Variants in OLA1 observed in about 807,000 individuals in gnomAD.
OLA1 encodes the protein obg-like ATPase 1.
A neutral mutation model predicts 48.4 loss-of-function variants in OLA1; 14 were observed. The observed-to-expected ratio is 0.29, with a 90% CI of 0.19 to 0.45. OLA1 has a LOEUF of 0.45. Ranked by LOEUF, OLA1 falls within the 20% of genes least tolerant of loss-of-function variation. The pLI is 1.00. For synonymous variants in OLA1, 127 were observed against 150.4 expected, an observed-to-expected ratio of 0.84 and a Z score of 1.14; for missense variants, 325 against 467.1, an observed-to-expected ratio of 0.70 and a Z score of 2.80.
At chr2:174,100,866 T>C (rs758139625) in intron 7 of OLA1, among the ~76,000 whole-genome samples, 4 of 152,202 alleles carry the variant, frequency 2.6e-5, no homozygotes, top group Non-Finnish European at 4.4e-5. Context: ...CTGTGTATTT[T>C]CTTGGTGAGG....
chr2:174,110,158 C>T (rs1282949413), intron 7 of OLA1, among the ~76,000 whole-genome samples: 2 of 138,024 alleles, frequency 1.4e-5, no homozygotes, highest in South Asian at 2.4e-4. Flanking sequence ...TGCAGTGGTG[C>T]GGCATGATCT....
At chr2:174,198,351 G>A (rs545693709) in intron 4 of OLA1, among the ~76,000 whole-genome samples, 2 of 152,212 alleles carry the variant, frequency 1.3e-5, no homozygotes, top group Non-Finnish European at 2.9e-5. Context: ...TGTAGGAACT[G>A]AAGAAATCCA....
intron 4 of OLA1, among the ~76,000 whole-genome samples, chr2:174,144,948 AAAAATATATATATATATAT>A (rs1371803879): frequency 5.3e-5 from 4 of 75,438 alleles, no homozygotes; most frequent in East Asian, 1.2e-3. Flanking sequence ...AAAAAAAAAA[AAAAATATATATATATATAT>A]ATATATATAT....
chr2:174,080,815 C>A, intron 9 of OLA1: 1 of 191,008 alleles, frequency 5.2e-6, no homozygotes, highest in Non-Finnish European at 1.1e-5. Context: ...AAATGAAAAG[C>A]AACATCAATT....
At chr2:174,092,540 T>TA (rs1449370749) in intron 7 of OLA1, among the ~76,000 whole-genome samples, 2 of 152,076 alleles carry the variant, frequency 1.3e-5, no homozygotes, top group African/African-American at 4.8e-5. Context: ...CATGTGCCTG[T>TA]AGTCCCAGCT....
intron 7 of OLA1, among the ~76,000 whole-genome samples, chr2:174,113,789 CTG>C (rs1432115527): frequency 6.6e-6 from 1 of 152,180 alleles, no homozygotes; most frequent in Non-Finnish European, 1.5e-5. Context: ...GTCAGTCATC[CTG>C]TGTGGAACAG....
At position 174,211,773 on chromosome 2, in the gene OLA1, G is replaced by C. The variant is rs185014921; in HGVS notation, c.373+11260C>G. Among the ~76,000 whole-genome samples the C allele has an allele frequency of 1.7e-3, 252 of 152,210 alleles. 3 individuals carry two copies. Among genetic ancestry groups the C allele is most frequent in the African/African-American group, 5.7e-3 (235 of 41,530 alleles). On this transcript the variant is annotated intron_variant, in intron 4 of 10. Transcript: ENST00000284719. ...CCAATACTGTAGCAAATAGCCACAAGATATTAAGTACCATTAAGTTATTAA... is the reference window on the plus strand; with the variant it reads ...CCAATACTGTAGCAAATAGCCACAACATATTAAGTACCATTAAGTTATTAA...
chr2:174,171,298 C>T (rs930488641), intron 4 of OLA1, among the ~76,000 whole-genome samples: 3 of 152,098 alleles, frequency 2.0e-5, no homozygotes, highest in Admixed American at 6.5e-5. Flanking sequence ...ATTTATAGAA[C>T]ATTACATTCA....
intron 5 of OLA1, among the ~76,000 whole-genome samples, chr2:174,135,638 A>C (rs1686292849): frequency 6.6e-6 from 1 of 152,226 alleles, no homozygotes; most frequent in Admixed American, 6.5e-5. Context: ...TGGTTCCACT[A>C]ACTAGAGATT....
rs570475841 is a variant in OLA1 at position 174,099,187 on chromosome 2, C to A, written c.729-17123G>T. Among the ~76,000 whole-genome samples the A allele has an allele frequency of 1.4e-3, 215 of 151,184 alleles. 1 individual carries two copies. The highest frequency in any genetic ancestry group is 2.7e-3 in the Non-Finnish European group (182 of 67,818). ...TTTTTTTTTTTTTGAGACGGAGTCT[C>A]GCTCTGTCACCAGGCTGGAGTGCAG... is the stretch of plus-strand genomic sequence containing the variant. On this transcript the variant is annotated intron_variant, in intron 7 of 10. Coordinates refer to ENST00000284719, the MANE Select transcript of OLA1 (RefSeq NM_013341.5).
At position 174,244,880 on chromosome 2, in the gene OLA1, C is replaced by T. The variant is rs763345356; in HGVS notation, c.101+1835G>A. ...CTCCTGACCTCAAGTGATCCACCCA[C>T]CTCGGCCTCCCAAAGTGCTGAGATT... On this transcript the variant is annotated intron_variant, in intron 2 of 10. Coordinates refer to ENST00000284719, the MANE Select transcript of OLA1 (RefSeq NM_013341.5). Among the ~76,000 whole-genome samples the T allele has an allele frequency of 9.9e-5, 15 of 152,164 alleles. 1 individual carries two copies. The highest frequency in any genetic ancestry group is 1.6e-4 in the Non-Finnish European group (11 of 68,040).
chr2:174,099,899 C>T (rs1685352709), intron 7 of OLA1, among the ~76,000 whole-genome samples: 1 of 152,160 alleles, frequency 6.6e-6, no homozygotes, highest in Non-Finnish European at 1.5e-5. Flanking sequence ...ATTAGTCTAA[C>T]AGTTATTAAA....
chr2:174,168,137 ATCATGG>A (rs1464556177), intron 4 of OLA1, among the ~76,000 whole-genome samples: 1 of 152,228 alleles, frequency 6.6e-6, no homozygotes, highest in African/African-American at 2.4e-5. Context: ...CTACAGATAA[ATCATGG>A]TCTTTCTGTC....
chr2:174,243,749 G>A (rs1175577915), intron 2 of OLA1, among the ~76,000 whole-genome samples: 7 of 152,154 alleles, frequency 4.6e-5, no homozygotes, highest in Non-Finnish European at 5.9e-5. Flanking sequence ...TATAGTAAAT[G>A]TTCAATATCT....
rs189337990 is a variant in OLA1, at chr2:174,104,880, A to G, written c.728+18300T>C. ...GTCTATTGAAACATAGGTACAATTCAATGTAATGATTCATAGTGTCTCTAA... is the reference window on the plus strand; with the variant it reads ...GTCTATTGAAACATAGGTACAATTCGATGTAATGATTCATAGTGTCTCTAA... On this transcript the variant is annotated intron_variant, in intron 7 of 10. Transcript: ENST00000284719. Among the ~76,000 whole-genome samples, 278 of 152,102 alleles carry G rather than the reference A, an allele frequency of 1.8e-3. 1 individual carries two copies. Among genetic ancestry groups the G allele is most frequent in the African/African-American group, 6.3e-3 (263 of 41,552 alleles).
chr2:174,115,054 C>A (rs1685749524), intron 7 of OLA1, among the ~76,000 whole-genome samples: 1 of 151,914 alleles, frequency 6.6e-6, no homozygotes, highest in Non-Finnish European at 1.5e-5. Flanking sequence ...CCACTGCACT[C>A]CAGCCTGGTC....
chr2:174,125,704 T>C (rs933101299), intron 5 of OLA1, among the ~76,000 whole-genome samples: 5 of 152,238 alleles, frequency 3.3e-5, no homozygotes, highest in Middle Eastern at 3.2e-3. Context: ...ATTTCAGATA[T>C]AGAAATCTTA....
At chr2:174,146,722 T>G (rs1037388082) in intron 4 of OLA1, among the ~76,000 whole-genome samples, 1 of 152,162 alleles carries the variant, frequency 6.6e-6, no homozygotes, top group Non-Finnish European at 1.5e-5. Flanking sequence ...GGAAGGTGTA[T>G]TCAACCGTCA....
intron 7 of OLA1, among the ~76,000 whole-genome samples, chr2:174,115,855 T>C (rs377555309): frequency 1.3e-5 from 2 of 152,198 alleles, no homozygotes; most frequent in African/African-American, 4.8e-5. Flanking sequence ...GTCCTAATCA[T>C]TCCCTGCATT....
Sources: gnomAD v4.1 joint callset for allele counts (sites outside exome capture counted in the v4.1 genomes callset) on GRCh38, gnomAD v4.1.1 for gene constraint, MANE v1.5 for transcripts, NCBI Gene and HGNC (gene_info 2026-07-23, HGNC 2026-07-21) for gene names.